The following IMMP2L variants were observed in gnomAD, a reference collection of about 807,000 sequenced individuals.
IMMP2L encodes the protein inner mitochondrial membrane peptidase subunit 2, also known as mitochondrial inner membrane protease subunit 2.
In IMMP2L, 18 loss-of-function variants were observed where a neutral mutation model predicts 19.3. The observed-to-expected ratio is 0.93, with a 90% CI of 0.64 to 1.38. The LOEUF is 1.38. Ranked by LOEUF, IMMP2L falls within the 40% of genes most tolerant of loss-of-function variation. IMMP2L has a pLI of 0.00. For synonymous variants in IMMP2L, 76 were observed against 73.0 expected (o/e 1.04, Z -0.21); for missense variants, 233 against 218.2 (o/e 1.07, Z -0.43).
rs532567473 is a variant in IMMP2L at position 111,339,332 on chromosome 7, C to T, written c.239+147906G>A. On this transcript the variant is annotated intron_variant, in intron 3 of 5. Coordinates refer to ENST00000405709, the MANE Select transcript of IMMP2L (RefSeq NM_032549.4). Reference sequence around the variant, plus strand: ...TAAGTAAAGGGAAGATAGTTATTCTCTCTGAAAAGAGAGAGTATTTCTCTC... The same window carrying T: ...TAAGTAAAGGGAAGATAGTTATTCTTTCTGAAAAGAGAGAGTATTTCTCTC... Among the ~76,000 whole-genome samples, 14 of 151,932 alleles carry T rather than the reference C, an allele frequency of 9.2e-5. No individual in the cohort carries two copies. The South Asian group carries it at 2.7e-3, about 29-fold the overall frequency.
intron 3 of IMMP2L, among the ~76,000 whole-genome samples, chr7:111,030,920 AT>A (rs1563176487): frequency 3.3e-4 from 34 of 102,242 alleles, no homozygotes; most frequent in African/African-American, 1.0e-3. Flanking sequence ...ATATATATAT[AT>A]ATATAAAATA....
intron 3 of IMMP2L, among the ~76,000 whole-genome samples, chr7:111,072,318 C>T (rs943224558): frequency 2.0e-5 from 3 of 152,142 alleles, no homozygotes; most frequent in East Asian, 1.9e-4. Flanking sequence ...ATACAAAATA[C>T]TTAATACCAG....
intron 3 of IMMP2L, among the ~76,000 whole-genome samples, chr7:111,014,224 G>T (rs781582969): frequency 6.6e-6 from 1 of 151,904 alleles, no homozygotes; most frequent in Non-Finnish European, 1.5e-5. Flanking sequence ...GCATTGTGGC[G>T]CATGCCTGTA....
chr7:111,272,562 T>A (rs961544284), intron 3 of IMMP2L, among the ~76,000 whole-genome samples: 3 of 152,204 alleles, frequency 2.0e-5, no homozygotes, highest in African/African-American at 7.2e-5. Flanking sequence ...TGTACAGTGC[T>A]TCACACATAG....
At chr7:110,697,542 G>A (rs1235432903) in intron 5 of IMMP2L, among the ~76,000 whole-genome samples, 3 of 152,112 alleles carry the variant, frequency 2.0e-5, no homozygotes, top group South Asian at 2.1e-4. Flanking sequence ...GGTGGCACAC[G>A]CCTGTTATCC....
intron 3 of IMMP2L, among the ~76,000 whole-genome samples, chr7:111,173,717 T>C (rs1806711524): frequency 6.6e-6 from 1 of 151,610 alleles, no homozygotes; most frequent in African/African-American, 2.4e-5. Context: ...CCTCCTGGGG[T>C]GTTTCTTATA....
chr7:111,228,732 T>C (rs180745240), intron 3 of IMMP2L, among the ~76,000 whole-genome samples: 6 of 152,218 alleles, frequency 3.9e-5, no homozygotes, highest in Admixed American at 3.9e-4. Flanking sequence ...AAATATTCTA[T>C]AGTTATTTGC....
At chr7:111,016,562 A>G (rs1182323775) in intron 3 of IMMP2L, among the ~76,000 whole-genome samples, 2 of 116,274 alleles carry the variant, frequency 1.7e-5, no homozygotes, top group African/African-American at 7.3e-5. Context: ...TATATATAAT[A>G]TATAATACAT....
Position 111,182,038 on chromosome 7 carries a change from A to G in IMMP2L, c.240-218473T>C, listed in dbSNP as rs139974776. On this transcript the variant is annotated intron_variant, in intron 3 of 5. Transcript: ENST00000405709. ...AAGAATTAAGCATAAAAAGAAATAA[A>G]AAACATAAAAAGAGGTTTTAAAATG... Among the ~76,000 whole-genome samples, 826 of 152,184 alleles carry G rather than the reference A, an allele frequency of 5.4e-3. 14 individuals are homozygous for G. Among genetic ancestry groups the G allele is most frequent in the African/African-American group, 0.019 (781 of 41,524 alleles).
chr7:111,115,955 G>C (rs1799830937), intron 3 of IMMP2L, among the ~76,000 whole-genome samples: 1 of 152,120 alleles, frequency 6.6e-6, no homozygotes, highest in African/African-American at 2.4e-5. Context: ...GGGATTACAG[G>C]CATGAGCCAC....
chr7:111,554,372 G>A (rs1791020078), intron 1 of IMMP2L, among the ~76,000 whole-genome samples: 1 of 151,986 alleles, frequency 6.6e-6, no homozygotes, highest in Admixed American at 6.6e-5. Context: ...CGCAGAACAA[G>A]AAGAAAGGGA....
rs149343571 is a variant in IMMP2L at position 110,921,206 on chromosome 7, G to A, written c.306-34511C>T. 4.2e-3 allele frequency among the ~76,000 whole-genome samples: 646 copies of A among 152,250 alleles called. 5 individuals are homozygous for A. Among genetic ancestry groups the A allele is most frequent in the African/African-American group, 0.015 (623 of 41,556 alleles). ...ATTGGCTGAACTCTGACAAATAGTA[G>A]CTACACAAAAATACATTTTTTCACG... is the stretch of plus-strand genomic sequence containing the variant. On this transcript the variant is annotated intron_variant, in intron 4 of 5. Transcript: ENST00000405709.
chr7:111,212,347 G>T (rs541367902), intron 3 of IMMP2L, among the ~76,000 whole-genome samples: 1 of 152,186 alleles, frequency 6.6e-6, no homozygotes, highest in African/African-American at 2.4e-5. Flanking sequence ...AGTGCCTCAC[G>T]CCTGTAATCC....
chr7:110,734,689 CAGTT>C (rs1462865878), intron 5 of IMMP2L, among the ~76,000 whole-genome samples: 8 of 151,244 alleles, frequency 5.3e-5, no homozygotes, highest in African/African-American at 1.9e-4. Flanking sequence ...GTCAGGCAGA[CAGTT>C]AGGGTGGGTC....
chr7:111,405,325 A>C (rs1185776121), intron 3 of IMMP2L, among the ~76,000 whole-genome samples: 1 of 152,110 alleles, frequency 6.6e-6, no homozygotes, highest in African/African-American at 2.4e-5. Flanking sequence ...AGACCAGCTA[A>C]AAGTTCAGGA....
intron 2 of IMMP2L, among the ~76,000 whole-genome samples, chr7:111,490,712 G>A (rs1392354519): frequency 1.3e-5 from 2 of 151,880 alleles, no homozygotes; most frequent in Non-Finnish European, 2.9e-5. Context: ...ACTTCATTAT[G>A]CCACTCATTA....
intron 3 of IMMP2L, among the ~76,000 whole-genome samples, chr7:111,225,782 A>G (rs572660279): frequency 6.6e-6 from 1 of 151,828 alleles, no homozygotes; most frequent in East Asian, 2.0e-4. Flanking sequence ...CCTTAAGAAG[A>G]CTTGTGCACA....
Position 110,963,093 on chromosome 7 carries a change from A to G in IMMP2L, c.305+407T>C, listed in dbSNP as rs987248104. ...TCCTTTTCAGTTTTCTCCCATCTCT[A>G]TGAGTACAAAAGAGTCCTCTTAGTT... On this transcript the variant is annotated intron_variant, in intron 4 of 5. Coordinates refer to ENST00000405709, the MANE Select transcript of IMMP2L (RefSeq NM_032549.4). The G allele has an allele frequency of 1.0e-5, 16 of 1,526,308 alleles. No homozygotes were observed. The African/African-American group carries it at 1.5e-4, about 14-fold the overall frequency. 94.5% of individuals were successfully genotyped at this position (1,526,308 alleles called of 1,614,324 possible).
intron 1 of IMMP2L, among the ~76,000 whole-genome samples, chr7:111,529,662 T>C (rs1735363531): frequency 6.6e-6 from 1 of 152,100 alleles, no homozygotes; most frequent in South Asian, 2.1e-4. Flanking sequence ...AGTTAGTCAT[T>C]TTTTGGCAAA....
Sources: gnomAD v4.1 joint callset for allele counts (sites outside exome capture counted in the v4.1 genomes callset) on GRCh38, gnomAD v4.1.1 for gene constraint, MANE v1.5 for transcripts, NCBI Gene and HGNC (gene_info 2026-07-23, HGNC 2026-07-21) for gene names.